VEPH1: variants seen among roughly 807,000 people sequenced by gnomAD.
The protein encoded by VEPH1 is ventricular zone-expressed PH domain-containing protein homolog 1.
VEPH1 carries 80 observed loss-of-function variants against 85.2 expected under a neutral mutation model. The ratio of observed to expected loss-of-function variants is 0.94; its 90% CI spans 0.78 to 1.13. The LOEUF is 1.13. VEPH1 is among the 50% of genes most tolerant of loss of function. The probability of loss-of-function intolerance (pLI) is 0.00; values close to 1 mark genes in which losing one functional copy is unlikely to be tolerated. For missense variants in VEPH1, 955 were observed against 980.5 expected, an observed-to-expected ratio of 0.97 and a Z score of 0.35; for synonymous variants, 297 against 348.0, an observed-to-expected ratio of 0.85 and a Z score of 1.63.
chr3:157,343,015 C>T (rs1279150564), intron 9 of VEPH1, among the ~76,000 whole-genome samples: 2 of 152,142 alleles, frequency 1.3e-5, no homozygotes, highest in African/African-American at 4.8e-5. Flanking sequence ...ATCTCTGGGA[C>T]ACATTTAAAG....
Position 157,397,722 on chromosome 3 carries a change from G to A in VEPH1, c.906+16159C>T, listed in dbSNP as rs537341829. Among the ~76,000 whole-genome samples, 4 of 152,228 alleles carry A rather than the reference G, an allele frequency of 2.6e-5. No homozygotes were observed. In the South Asian group the frequency reaches 6.2e-4, roughly 24 times the overall value. On this transcript the variant is annotated intron_variant, in intron 6 of 13. Transcript: ENST00000362010. ...TCATTCATGATTTGGCTCTCTGCTT[G>A]TCTATTGTTCTGTGTCATCAATTTT...
In VEPH1 at chr3:157,315,254, G is replaced by C. The variant is rs143023758; in HGVS notation, c.1876-1499C>G. On this transcript the variant is annotated intron_variant, in intron 10 of 13. Transcript: ENST00000362010. ...TTATTATCAAAATAAACTATTTCTAGTACTGAATGGGAAAAGATGGAGGAT... is the reference window on the plus strand; with the variant it reads ...TTATTATCAAAATAAACTATTTCTACTACTGAATGGGAAAAGATGGAGGAT... Among the ~76,000 whole-genome samples, 414 of 152,112 alleles carry C rather than the reference G, an allele frequency of 2.7e-3. 2 individuals carry two copies. The highest frequency in any genetic ancestry group is 9.4e-3 in the African/African-American group (392 of 41,542).
intron 9 of VEPH1, among the ~76,000 whole-genome samples, chr3:157,325,653 T>C (rs1721819693): frequency 6.6e-6 from 1 of 152,212 alleles, no homozygotes; most frequent in Non-Finnish European, 1.5e-5. Context: ...TGGTTATAGG[T>C]GTGCAGTCTT....
chr3:157,286,955 CT>C (rs1716862473), intron 11 of VEPH1, among the ~76,000 whole-genome samples: 1 of 152,206 alleles, frequency 6.6e-6, no homozygotes, highest in Non-Finnish European at 1.5e-5. Flanking sequence ...CCAGAATTTT[CT>C]TGCATCTAGC....
At position 157,300,189 on chromosome 3, in the gene VEPH1, G is replaced by GA. The variant is rs370348594; in HGVS notation, c.2010+13431dup. Reference sequence around the variant, plus strand: ...CATAATATCCATGATAGCAGCAAAAGAAAAAAAAAGGATTTTACTCATGCA... The same window carrying GA: ...CATAATATCCATGATAGCAGCAAAAGAAAAAAAAAAGGATTTTACTCATGCA... On this transcript the variant is annotated intron_variant, in intron 11 of 13. Coordinates refer to ENST00000362010, the MANE Select transcript of VEPH1 (RefSeq NM_001167912.2). Among the ~76,000 whole-genome samples the GA allele has an allele frequency of 3.1e-4, 46 of 149,258 alleles. 1 individual carries two copies. The highest frequency in any genetic ancestry group is 8.1e-4 in the African/African-American group (33 of 40,690).
chr3:157,268,487 A>G (rs1394205462), intron 12 of VEPH1, among the ~76,000 whole-genome samples: 4 of 152,240 alleles, frequency 2.6e-5, no homozygotes, highest in South Asian at 2.1e-4. Flanking sequence ...CCCATTTTTC[A>G]TATTTTCAGG....
chr3:157,320,130 TGA>T (rs1483223287), intron 9 of VEPH1, among the ~76,000 whole-genome samples: 2 of 152,154 alleles, frequency 1.3e-5, no homozygotes, highest in African/African-American at 2.4e-5. Context: ...AATGAATGGA[TGA>T]GTGTCAGATA....
intron 9 of VEPH1, among the ~76,000 whole-genome samples, chr3:157,325,831 A>G (rs768636292): frequency 8.5e-5 from 13 of 152,162 alleles, no homozygotes; most frequent in Non-Finnish European, 1.8e-4. Flanking sequence ...CTTTGGTTCC[A>G]GGTGAATTTT....
At chr3:157,376,449 A>G (rs537497358) in intron 7 of VEPH1, among the ~76,000 whole-genome samples, 1 of 152,314 alleles carries the variant, frequency 6.6e-6, no homozygotes, top group African/African-American at 2.4e-5. Flanking sequence ...GGTAGATAGG[A>G]CTTGCACGGT....
intron 5 of VEPH1, among the ~76,000 whole-genome samples, chr3:157,415,469 G>A (rs527475014): frequency 2.1e-4 from 32 of 152,254 alleles, no homozygotes; most frequent in Middle Eastern, 6.8e-3. Flanking sequence ...CTCTCTCAGC[G>A]GGACATGGAG....
chr3:157,392,909 A>C (rs1293065148), intron 6 of VEPH1, among the ~76,000 whole-genome samples: 3 of 152,208 alleles, frequency 2.0e-5, no homozygotes, highest in Non-Finnish European at 4.4e-5. Flanking sequence ...CCAGCCTGCT[A>C]TAAAGTGAAA....
At chr3:157,379,034 C>T (rs911935497) in intron 7 of VEPH1, among the ~76,000 whole-genome samples, 2 of 152,186 alleles carry the variant, frequency 1.3e-5, no homozygotes, top group African/African-American at 2.4e-5. Flanking sequence ...GTTAGTTACT[C>T]GTGATTTACT....
At chr3:157,428,017 C>T (rs758482591) in intron 5 of VEPH1, among the ~76,000 whole-genome samples, 6 of 152,198 alleles carry the variant, frequency 3.9e-5, no homozygotes, top group Non-Finnish European at 8.8e-5. Flanking sequence ...TGGTCTTCTC[C>T]TGTCCTCAGA....
intron 2 of VEPH1, among the ~76,000 whole-genome samples, chr3:157,477,318 C>T (rs1428068135): frequency 2.6e-5 from 4 of 152,012 alleles, no homozygotes; most frequent in Non-Finnish European, 2.9e-5. Flanking sequence ...CTTTCTTCCA[C>T]CTTTGACCTT....
At chr3:157,267,605 C>T (rs771161589) in intron 12 of VEPH1, among the ~76,000 whole-genome samples, 2 of 151,700 alleles carry the variant, frequency 1.3e-5, no homozygotes, top group Non-Finnish European at 2.9e-5. Flanking sequence ...GCCAACTTGG[C>T]GAAAGCCCAT....
intron 4 of VEPH1, among the ~76,000 whole-genome samples, chr3:157,435,162 T>C (rs1445305204): frequency 1.3e-5 from 2 of 152,186 alleles, no homozygotes; most frequent in African/African-American, 4.8e-5. Flanking sequence ...TTTTCTCATA[T>C]TTCCAATTCC....
Position 157,368,479 on chromosome 3 carries a change from T to TTTTGTTTG in VEPH1, c.1128-3975_1128-3968dup, listed in dbSNP as rs60491760. The stretch of plus-strand genomic sequence containing the variant: ...CTGAATTTCAGATAAACAATAAGTT[T>TTTTGTTTG]TTTGTTTGTTTGTTTGTTTGTTTGT... On this transcript the variant is annotated intron_variant, in intron 7 of 13. Coordinates refer to ENST00000362010, the MANE Select transcript of VEPH1 (RefSeq NM_001167912.2). 8.3e-4 allele frequency among the ~76,000 whole-genome samples: 125 copies of TTTTGTTTG among 150,986 alleles called. 2 individuals are homozygous for TTTTGTTTG. The South Asian group carries it at 8.4e-3, about 10-fold the overall frequency.
At chr3:157,479,731 G>GCAAT (rs1184093438) in intron 2 of VEPH1, among the ~76,000 whole-genome samples, 1 of 152,144 alleles carries the variant, frequency 6.6e-6, no homozygotes, top group African/African-American at 2.4e-5. Context: ...CTCTTCACAG[G>GCAAT]CAATCACTCA....
At chr3:157,278,003 A>G (rs558851289) in intron 12 of VEPH1, among the ~76,000 whole-genome samples, 18 of 152,302 alleles carry the variant, frequency 1.2e-4, no homozygotes, top group Non-Finnish European at 2.6e-4. Context: ...AACTTTGGCC[A>G]TTCGTTTATT....
Sources: allele counts gnomAD v4.1 joint callset (sites outside exome capture counted in the v4.1 genomes callset), GRCh38; gene constraint gnomAD v4.1.1; transcripts MANE v1.5; gene names NCBI Gene and HGNC (gene_info 2026-07-23, HGNC 2026-07-21).